CSMD1: variants seen among roughly 807,000 people sequenced by gnomAD.
CSMD1 encodes CUB and Sushi multiple domains 1.
Under a neutral mutation model 417.5 loss-of-function variants are expected in CSMD1, and 213 were observed. That is an observed-to-expected ratio of 0.51 (90% CI 0.46 to 0.57). The LOEUF (loss-of-function observed/expected upper bound fraction) is 0.57. Ranked by LOEUF, CSMD1 falls within the 20% of genes least tolerant of loss-of-function variation. The pLI, the probability that CSMD1 is intolerant of heterozygous loss-of-function variation, is 0.00. For missense variants in CSMD1, 6,923 were observed against 4,529.7 expected, an observed-to-expected ratio of 1.53 and a Z score of -15.17; for synonymous variants, 2,862 against 1,736.8, an observed-to-expected ratio of 1.65 and a Z score of -16.11.
At chr8:3,678,901 C>A (rs372746469) in intron 7 of CSMD1, among the ~76,000 whole-genome samples, 9 of 152,074 alleles carry the variant, frequency 5.9e-5, no homozygotes, top group African/African-American at 7.2e-5. Flanking sequence ...TTAAAGAAAA[C>A]AATTTTCAAC....
chr8:4,372,246 A>G (rs1802440456), intron 3 of CSMD1, among the ~76,000 whole-genome samples: 1 of 152,198 alleles, frequency 6.6e-6, no homozygotes, highest in Non-Finnish European at 1.5e-5. Flanking sequence ...TATATGAAGT[A>G]AAGATACATA....
intron 1 of CSMD1, among the ~76,000 whole-genome samples, chr8:4,688,010 A>C (rs1806500582): frequency 6.6e-6 from 1 of 152,186 alleles, no homozygotes; most frequent in Non-Finnish European, 1.5e-5. Context: ...GTGTATTTCA[A>C]GTACCTACAC....
chr8:3,543,354 A>G (rs534193549), intron 10 of CSMD1, among the ~76,000 whole-genome samples: 10 of 152,216 alleles, frequency 6.6e-5, no homozygotes, highest in Non-Finnish European at 1.5e-4. Context: ...TGAGCAAACT[A>G]GAGATATAAA....
chr8:3,343,223 A>T, intron 23 of CSMD1, 71 bp downstream of exon 23: 1 of 1,346,090 alleles, frequency 7.4e-7, no homozygotes, highest in Non-Finnish European at 1.0e-6. Context: ...TTTAAAACTT[A>T]ATATAAGCCA....
At chr8:3,867,532 C>G (rs1460965721) in intron 5 of CSMD1, among the ~76,000 whole-genome samples, 1 of 152,072 alleles carries the variant, frequency 6.6e-6, no homozygotes, top group Non-Finnish European at 1.5e-5. Flanking sequence ...GTGTCCCAGA[C>G]AACAGAAGGC....
At position 4,902,414 on chromosome 8, in the gene CSMD1, G is replaced by C. The variant is rs187977095; in HGVS notation, c.85+91918C>G. Among the ~76,000 whole-genome samples the C allele has an allele frequency of 5.7e-5, 8 of 139,350 alleles. No individual in the cohort carries two copies. In the East Asian group the frequency reaches 1.6e-3, roughly 28 times the overall value. The allele number at this position is 139,350 out of a possible 152,430, so 91.4% of individuals were successfully genotyped here. A position where few individuals can be genotyped will look rare whatever the true frequency, so the allele number is the denominator to read the frequency against. ...ATTGTGCCACTTAGCAACAGAACAAGAACCCATCTCTAAAGAGGAGAAAAA... is the reference window on the plus strand; with the variant it reads ...ATTGTGCCACTTAGCAACAGAACAACAACCCATCTCTAAAGAGGAGAAAAA... On this transcript the variant is annotated intron_variant, in intron 1 of 69. Transcript: ENST00000635120.
At chr8:4,008,415 T>A (rs906605933) in intron 4 of CSMD1, among the ~76,000 whole-genome samples, 3 of 150,374 alleles carry the variant, frequency 2.0e-5, no homozygotes, top group Admixed American at 2.0e-4. Context: ...TATTATATAA[T>A]TTTTTTTTAT....
chr8:3,221,835 G>A (rs532685773), intron 28 of CSMD1, among the ~76,000 whole-genome samples: 15 of 152,128 alleles, frequency 9.9e-5, no homozygotes, highest in African/African-American at 3.6e-4. Flanking sequence ...GAGCCTGGGA[G>A]CCCATATGTC....
chr8:4,433,607 A>T (rs188849476), intron 2 of CSMD1, among the ~76,000 whole-genome samples: 1 of 152,300 alleles, frequency 6.6e-6, no homozygotes, highest in East Asian at 1.9e-4. Flanking sequence ...GGGAAACGAC[A>T]AATTTGATAA....
intron 5 of CSMD1, among the ~76,000 whole-genome samples, chr8:3,941,975 T>A (rs970959611): frequency 2.0e-5 from 3 of 152,062 alleles, no homozygotes; most frequent in African/African-American, 7.2e-5. Context: ...TCCCCATTGC[T>A]GGCATTACCA....
intron 62 of CSMD1, among the ~76,000 whole-genome samples, 165 bp from the exon 63 acceptor site, chr8:2,957,972 G>T (rs1490400960): frequency 6.6e-6 from 1 of 152,204 alleles, no homozygotes; most frequent in East Asian, 1.9e-4. Context: ...GCCTGCTACA[G>T]TGTTACACAC....
At chr8:4,246,740 T>C (rs936694188) in intron 3 of CSMD1, among the ~76,000 whole-genome samples, 1 of 152,176 alleles carries the variant, frequency 6.6e-6, no homozygotes, top group African/African-American at 2.4e-5. Flanking sequence ...ATTGTATTTA[T>C]TTAAATAAAG....
At chr8:4,186,169 C>T (rs17069261) in intron 3 of CSMD1, among the ~76,000 whole-genome samples, 24,719 of 152,110 alleles carry the variant, frequency 0.16, 2,145 homozygotes, top group East Asian at 0.29. Flanking sequence ...GAGAAGCAGT[C>T]AAGGTGCCCT....
At chr8:4,302,606 C>T (rs539121542) in intron 3 of CSMD1, among the ~76,000 whole-genome samples, 2 of 152,168 alleles carry the variant, frequency 1.3e-5, no homozygotes, top group African/African-American at 2.4e-5. Context: ...AGGGGATTCT[C>T]TCCTATGTTG....
chr8:4,899,191 T>C (rs1467787546), intron 1 of CSMD1, among the ~76,000 whole-genome samples: 3 of 152,222 alleles, frequency 2.0e-5, no homozygotes, highest in Non-Finnish European at 2.9e-5. Flanking sequence ...TGTGGGTATA[T>C]GTCCTATCGG....
intron 9 of CSMD1, among the ~76,000 whole-genome samples, chr8:3,577,740 CT>C (rs1264039299): frequency 6.6e-6 from 1 of 152,190 alleles, no homozygotes; most frequent in Non-Finnish European, 1.5e-5. Flanking sequence ...CAATGTTTGC[CT>C]TTCTAAATCT....
At chr8:4,642,974 T>G (rs546008426) in intron 1 of CSMD1, among the ~76,000 whole-genome samples, 3 of 152,284 alleles carry the variant, frequency 2.0e-5, no homozygotes, top group South Asian at 4.2e-4. Flanking sequence ...TGAGAAATGA[T>G]GGACAGGACT....
At position 4,612,237 on chromosome 8, in the gene CSMD1, C is replaced by T. The variant is rs56381117; in HGVS notation, c.302+25105G>A. 2.5e-3 allele frequency among the ~76,000 whole-genome samples: 388 copies of T among 152,234 alleles called. 1 individual carries two copies. The highest frequency in any genetic ancestry group is 9.0e-3 in the African/African-American group (372 of 41,542). ...TCATCACCTTTGTTTTCAACACTTCCGTTTCCAGCACATGTGATAAAAATA... is the reference window on the plus strand; with the variant it reads ...TCATCACCTTTGTTTTCAACACTTCTGTTTCCAGCACATGTGATAAAAATA... On this transcript the variant is annotated intron_variant, in intron 2 of 69. Coordinates refer to ENST00000635120, the MANE Select transcript of CSMD1 (RefSeq NM_033225.6).
intron 45 of CSMD1, 102 bp downstream of exon 45, chr8:3,107,616 G>C: frequency 1.5e-6 from 1 of 647,970 alleles, no homozygotes; most frequent in East Asian, 3.0e-5. Context: ...TTGTTTCTCT[G>C]ACAAATTACT....
Sources: gnomAD v4.1 joint callset for allele counts (sites outside exome capture counted in the v4.1 genomes callset) on GRCh38, gnomAD v4.1.1 for gene constraint, MANE v1.5 for transcripts, NCBI Gene and HGNC (gene_info 2026-07-23, HGNC 2026-07-21) for gene names.